Variants in PCSK5 observed in about 807,000 individuals in gnomAD.
The protein encoded by PCSK5 is proprotein convertase subtilisin/kexin type 5.
Under a neutral mutation model 233.2 loss-of-function variants are expected in PCSK5, and 129 were observed. That is an observed-to-expected ratio of 0.55 (90% CI 0.48 to 0.64). The LOEUF is 0.64. Ranked by LOEUF, PCSK5 falls within the 30% of genes least tolerant of loss-of-function variation. The probability of loss-of-function intolerance (pLI) is 0.00; values close to 1 mark genes in which losing one functional copy is unlikely to be tolerated. For missense variants in PCSK5, 2,076 were observed against 2,430.1 expected (o/e 0.85, Z 3.06); for synonymous variants, 825 against 879.2 (o/e 0.94, Z 1.09).
chr9:76,127,013 T>A (rs554284242), intron 9 of PCSK5, among the ~76,000 whole-genome samples: 2 of 116,994 alleles, frequency 1.7e-5, no homozygotes, highest in East Asian at 4.8e-4. Context: ...TTCATTAAAG[T>A]TGACAGTGAA....
chr9:75,943,117 T>G (rs1024498917), intron 2 of PCSK5, among the ~76,000 whole-genome samples: 10 of 152,072 alleles, frequency 6.6e-5, no homozygotes, highest in Non-Finnish European at 1.3e-4. Context: ...ACTCCTGACC[T>G]CAGGTGATCC....
At chr9:76,181,249 A>T (rs1025778816) in intron 15 of PCSK5, 149 bp from the exon 16 acceptor site, 1 of 632,264 alleles carries the variant, frequency 1.6e-6, no homozygotes, top group Non-Finnish European at 2.7e-6. Flanking sequence ...AGTTTAACAA[A>T]CAATCTGGCT....
chr9:76,031,273 A>T (rs746533478), intron 5 of PCSK5, among the ~76,000 whole-genome samples: 1 of 152,226 alleles, frequency 6.6e-6, no homozygotes, highest in Non-Finnish European at 1.5e-5. Flanking sequence ...GGAAATGAGT[A>T]GCTTTGTAGT....
At chr9:76,268,521 G>A (rs917666402) in intron 24 of PCSK5, among the ~76,000 whole-genome samples, 5 of 152,140 alleles carry the variant, frequency 3.3e-5, no homozygotes, top group Non-Finnish European at 7.3e-5. Context: ...AGTATAAGGA[G>A]AAACTAGAAG....
At chr9:76,149,723 T>C (rs1823584887) in intron 10 of PCSK5, among the ~76,000 whole-genome samples, 3 of 152,140 alleles carry the variant, frequency 2.0e-5, no homozygotes, top group Admixed American at 2.0e-4. Context: ...AAAAATGGGA[T>C]CTGGATATGA....
chr9:76,228,956 C>T (rs2131312109), intron 21 of PCSK5, among the ~76,000 whole-genome samples: 1 of 152,092 alleles, frequency 6.6e-6, no homozygotes, highest in East Asian at 1.9e-4. Context: ...AGTGTGGAAT[C>T]AATATCATAG....
At chr9:75,929,559 C>A (rs567545049) in intron 1 of PCSK5, among the ~76,000 whole-genome samples, 1 of 152,104 alleles carries the variant, frequency 6.6e-6, no homozygotes, top group East Asian at 1.9e-4. Flanking sequence ...TCCACCCTCT[C>A]CCTCCAGCTG....
chr9:75,934,467 C>T (rs1471543081), intron 2 of PCSK5, among the ~76,000 whole-genome samples: 4 of 152,050 alleles, frequency 2.6e-5, no homozygotes, highest in Non-Finnish European at 5.9e-5. Flanking sequence ...CACATTGGTG[C>T]CCTAAGGGAG....
At chr9:76,186,247 T>C (rs568620230) in intron 17 of PCSK5, among the ~76,000 whole-genome samples, 22 of 152,320 alleles carry the variant, frequency 1.4e-4, no homozygotes, top group African/African-American at 5.3e-4. Context: ...ACAAAATTGT[T>C]TTTATGAGAA....
At chr9:76,228,785 C>T (rs1229412055) in intron 21 of PCSK5, among the ~76,000 whole-genome samples, 1 of 152,194 alleles carries the variant, frequency 6.6e-6, no homozygotes, top group African/African-American at 2.4e-5. Context: ...CGCTTTGCAT[C>T]TCTGGGATGG....
chr9:75,894,992 C>T (rs1456650952), intron 1 of PCSK5, among the ~76,000 whole-genome samples: 1 of 152,178 alleles, frequency 6.6e-6, no homozygotes, highest in East Asian at 1.9e-4. Context: ...TTACAATGTG[C>T]AATAGCTGTA....
intron 32 of PCSK5, 35 bp downstream of exon 32, chr9:76,323,323 G>A (rs770689476): frequency 8.0e-6 from 10 of 1,249,728 alleles, no homozygotes; most frequent in Non-Finnish European, 1.2e-5. Flanking sequence ...AGGCTCCGGG[G>A]TTTGCATAGT....
chr9:76,075,391 A>G (rs938923516), intron 7 of PCSK5, among the ~76,000 whole-genome samples: 19 of 152,102 alleles, frequency 1.2e-4, no homozygotes, highest in African/African-American at 4.6e-4. Flanking sequence ...ATGTAAATTC[A>G]GTCTAGTTAT....
chr9:75,891,956 C>T (rs1825626957), intron 1 of PCSK5, among the ~76,000 whole-genome samples: 2 of 151,948 alleles, frequency 1.3e-5, no homozygotes, highest in African/African-American at 4.8e-5. Flanking sequence ...GGGGGCCGGC[C>T]CCGGTGTGAG....
chr9:76,253,699 C>T (rs554015023), intron 24 of PCSK5, among the ~76,000 whole-genome samples: 4 of 152,306 alleles, frequency 2.6e-5, no homozygotes, highest in East Asian at 1.9e-4. Context: ...GCTTAATGTA[C>T]GTGATGTGTT....
chr9:75,897,982 T>G (rs145381591), intron 1 of PCSK5, among the ~76,000 whole-genome samples: 8 of 152,322 alleles, frequency 5.3e-5, no homozygotes, highest in Admixed American at 5.2e-4. Flanking sequence ...ATAAGCGTAC[T>G]GGGAATTTGT....
intron 10 of PCSK5, among the ~76,000 whole-genome samples, chr9:76,136,649 G>C (rs2131753671): frequency 6.6e-6 from 1 of 152,054 alleles, no homozygotes; most frequent in South Asian, 2.1e-4. Flanking sequence ...AAATGAATCT[G>C]AAAACTCCTG....
intron 1 of PCSK5, among the ~76,000 whole-genome samples, chr9:75,906,233 A>AC (rs1048379811): frequency 6.7e-6 from 1 of 149,444 alleles, no homozygotes; most frequent in African/African-American, 2.5e-5. Flanking sequence ...GCAGATACCT[A>AC]TTTTTTTTTT....
In PCSK5 at chr9:75,929,775, G is replaced by A. The variant is rs140881511; in HGVS notation, c.193-2604G>A. Among the ~76,000 whole-genome samples, 15 of 152,198 alleles carry A rather than the reference G, an allele frequency of 9.9e-5. No individual in the cohort carries two copies. In the East Asian group the frequency reaches 1.2e-3, roughly 12 times the overall value. ...AGGCCCCACAATCATGGAGGAGGGT[G>A]AAAGGCACGTCTCACATGACAGCAG... On this transcript the variant is annotated intron_variant, in intron 1 of 37. Transcript: ENST00000674117.
Sources: allele counts gnomAD v4.1 joint callset (sites outside exome capture counted in the v4.1 genomes callset), GRCh38; gene constraint gnomAD v4.1.1; transcripts MANE v1.5; gene names NCBI Gene and HGNC (gene_info 2026-07-23, HGNC 2026-07-21).